Variants in ANKS1B observed in about 807,000 individuals in gnomAD.
ANKS1B encodes the protein ankyrin repeat and sterile alpha motif domain-containing protein 1B.
A neutral mutation model predicts 148.3 loss-of-function variants in ANKS1B; 36 were observed. That is an observed-to-expected ratio of 0.24 (90% CI 0.19 to 0.32). The LOEUF (loss-of-function observed/expected upper bound fraction) is 0.32, where lower values mean the gene tolerates loss of function less well. Among genes scored for constraint, ANKS1B ranks in the 10% least tolerant of loss-of-function variants. ANKS1B has a pLI of 1.00. For synonymous variants in ANKS1B, 542 were observed against 560.8 expected (o/e 0.97, Z 0.47); for missense variants, 1,157 against 1,542.6 (o/e 0.75, Z 4.19).
intron 17 of ANKS1B, among the ~76,000 whole-genome samples, chr12:98,980,338 C>CT (rs1001666450): frequency 1.6e-4 from 24 of 152,206 alleles, no homozygotes; most frequent in Admixed American, 1.0e-3. Context: ...GTAGCTGGGA[C>CT]TACAGGCACC....
At chr12:99,815,470 A>G (rs184774156) in intron 2 of ANKS1B, among the ~76,000 whole-genome samples, 27 of 151,762 alleles carry the variant, frequency 1.8e-4, no homozygotes, top group African/African-American at 6.0e-4. Context: ...TATTTTGTTA[A>G]ATGTGCTTAT....
intron 19 of ANKS1B, among the ~76,000 whole-genome samples, chr12:98,813,157 C>T (rs1172823997): frequency 2.0e-5 from 3 of 151,596 alleles, no homozygotes; most frequent in African/African-American, 7.3e-5. Flanking sequence ...TAATACCAGT[C>T]ATAAAATTTC....
chr12:98,794,650 C>A, intron 22 of ANKS1B: 1 of 860,936 alleles, frequency 1.2e-6, no homozygotes, highest in Non-Finnish European at 2.0e-6. Context: ...CCAAAGCATT[C>A]TGGAAAGCAG....
In ANKS1B at chr12:99,734,642, C is replaced by G. The variant is rs141997760; in HGVS notation, c.1128+38280G>C. On this transcript the variant is annotated intron_variant, in intron 8 of 26. Transcript: ENST00000683438. ...AACTTTCCCACAAACCTGATGCCTC[C>G]ACAAACCACCAACTCATCTTTCTCC... 7.4e-3 allele frequency among the ~76,000 whole-genome samples: 1,130 copies of G among 152,234 alleles called. 6 individuals are homozygous for G. The highest frequency in any genetic ancestry group is 0.014 in the Middle Eastern group (4 of 294).
At chr12:98,808,607 G>A (rs2099069226) in intron 19 of ANKS1B, among the ~76,000 whole-genome samples, 1 of 152,082 alleles carries the variant, frequency 6.6e-6, no homozygotes, top group African/African-American at 2.4e-5. Flanking sequence ...TAATGATTCA[G>A]CTCCATAATT....
chr12:99,159,630 T>C (rs1364525575), intron 14 of ANKS1B, among the ~76,000 whole-genome samples: 1 of 152,228 alleles, frequency 6.6e-6, no homozygotes, highest in Non-Finnish European at 1.5e-5. Context: ...CAATTCACCA[T>C]TGATGAGTAC....
chr12:98,735,166 C>T (rs1224350286), exon 10 of ANKS1B: 1 of 398,696 alleles, frequency 2.5e-6, no homozygotes, highest in African/African-American at 2.1e-5. Context: ...CATGGCAGTT[C>T]ATGCAGTCGG....
intron 11 of ANKS1B, among the ~76,000 whole-genome samples, chr12:99,420,537 T>A (rs1006961572): frequency 2.0e-5 from 3 of 152,008 alleles, no homozygotes; most frequent in Non-Finnish European, 4.4e-5. Context: ...AAGATAAGTA[T>A]TACAATTAAT....
intron 12 of ANKS1B, among the ~76,000 whole-genome samples, chr12:99,390,247 AAAG>A (rs1250172995): frequency 1.3e-5 from 2 of 152,342 alleles, no homozygotes; most frequent in South Asian, 2.1e-4. Flanking sequence ...AGTATTTTTT[AAAG>A]AAGAACTTGA....
chr12:99,456,922 C>A (rs1242189819), intron 10 of ANKS1B, among the ~76,000 whole-genome samples: 1 of 152,052 alleles, frequency 6.6e-6, no homozygotes, highest in Admixed American at 6.6e-5. Context: ...GCTCAAAAAA[C>A]ACCTGGGAAA....
chr12:99,837,525 T>C (rs534451137), intron 1 of ANKS1B, among the ~76,000 whole-genome samples: 7 of 152,168 alleles, frequency 4.6e-5, no homozygotes, highest in South Asian at 2.1e-4. Flanking sequence ...CTAGAAACTA[T>C]GCAAAATGCT....
At chr12:99,740,782 G>A (rs940361217) in intron 8 of ANKS1B, among the ~76,000 whole-genome samples, 11 of 152,230 alleles carry the variant, frequency 7.2e-5, no homozygotes, top group East Asian at 5.8e-4. Flanking sequence ...CCCCTCACCC[G>A]GGAAGTGCAA....
At chr12:99,126,769 T>C (rs1450984687) in intron 15 of ANKS1B, among the ~76,000 whole-genome samples, 1 of 152,212 alleles carries the variant, frequency 6.6e-6, no homozygotes, top group Non-Finnish European at 1.5e-5. Flanking sequence ...GATCTGTGCC[T>C]TGATTTCCTT....
chr12:99,081,986 G>C (rs1251371031), intron 16 of ANKS1B, among the ~76,000 whole-genome samples: 1 of 152,130 alleles, frequency 6.6e-6, no homozygotes, highest in Non-Finnish European at 1.5e-5. Flanking sequence ...TTATAGCATA[G>C]AAGTGGCTGA....
At chr12:99,303,694 T>C (rs1387485337) in intron 12 of ANKS1B, among the ~76,000 whole-genome samples, 1 of 152,128 alleles carries the variant, frequency 6.6e-6, no homozygotes, top group Non-Finnish European at 1.5e-5. Flanking sequence ...GGATAAGTTC[T>C]TCAGTGGTGA....
rs2097841557 is a variant in ANKS1B, at chr12:98,744,495, T to A, written c.*1244A>T. The A allele has an allele frequency of 1.7e-6, 1 of 594,590 alleles. No individual in the cohort carries two copies. The highest frequency in any genetic ancestry group is 6.3e-5 in the Admixed American group (1 of 15,774). The allele number at this position is 594,590 out of a possible 1,614,324, so 36.8% of individuals were successfully genotyped here. ...AATGTTATTTTTTTCTATAATGATATTGGTACTGTTTATATAATTTGATTC... is the reference window on the plus strand; with the variant it reads ...AATGTTATTTTTTTCTATAATGATAATGGTACTGTTTATATAATTTGATTC... On this transcript the variant is annotated 3_prime_UTR_variant, in exon 27 of 27. Coordinates refer to ENST00000683438, the MANE Select transcript of ANKS1B (RefSeq NM_001352186.2).
At chr12:98,884,754 G>T (rs967218040) in intron 17 of ANKS1B, among the ~76,000 whole-genome samples, 24 of 148,360 alleles carry the variant, frequency 1.6e-4, no homozygotes, top group Admixed American at 6.8e-5. Context: ...AGCTGAGATT[G>T]CGCCACTGCA....
chr12:99,695,741 G>A (rs2053800631), intron 8 of ANKS1B, among the ~76,000 whole-genome samples: 2 of 152,114 alleles, frequency 1.3e-5, no homozygotes, highest in Admixed American at 1.3e-4. Context: ...GGAGGGTTGG[G>A]GGAGACAGAG....
chr12:98,887,457 C>T (rs1273414745), intron 17 of ANKS1B, among the ~76,000 whole-genome samples: 1 of 152,176 alleles, frequency 6.6e-6, no homozygotes, highest in Admixed American at 6.5e-5. Context: ...CCACAGAAAT[C>T]TTGATCCACT....
Sources: gnomAD v4.1 joint callset for allele counts (sites outside exome capture counted in the v4.1 genomes callset) on GRCh38, gnomAD v4.1.1 for gene constraint, MANE v1.5 for transcripts, NCBI Gene and HGNC (gene_info 2026-07-23, HGNC 2026-07-21) for gene names.